CNGA1: variants seen among roughly 807,000 people sequenced by gnomAD.
CNGA1 encodes cyclic nucleotide gated channel subunit alpha 1, also known as cyclic nucleotide-gated channel alpha-1.
Under a neutral mutation model 69.7 loss-of-function variants are expected in CNGA1, and 53 were observed. The observed-to-expected ratio is 0.76, with a 90% confidence interval of 0.61 to 0.96. The LOEUF (loss-of-function observed/expected upper bound fraction) is 0.96. CNGA1 is among the 40% of genes least tolerant of loss of function. CNGA1 has a pLI of 0.00. For missense variants in CNGA1, 739 were observed against 811.2 expected (o/e 0.91, Z 1.08); for synonymous variants, 249 against 283.5 (o/e 0.88, Z 1.22).
At chr4:48,004,600 CT>C (rs938766697) in intron 2 of CNGA1, among the ~76,000 whole-genome samples, 26 of 152,090 alleles carry the variant, frequency 1.7e-4, no homozygotes, top group African/African-American at 4.8e-4. Flanking sequence ...GGAAGGCTCA[CT>C]TTTAGCAGGC....
chr4:47,961,473 T>C (rs1740434651), intron 3 of CNGA1, among the ~76,000 whole-genome samples: 1 of 152,232 alleles, frequency 6.6e-6, no homozygotes, highest in South Asian at 2.1e-4. Flanking sequence ...CCAAGTGCCA[T>C]GGCTCATGCC....
chr4:47,985,140 T>C (rs901455055), intron 2 of CNGA1, among the ~76,000 whole-genome samples: 2 of 152,226 alleles, frequency 1.3e-5, no homozygotes, highest in African/African-American at 4.8e-5. Flanking sequence ...ATTGTGAGGA[T>C]TAAATGAGAC....
chr4:47,987,119 A>G lies in CNGA1; in HGVS notation c.-122-5619T>C, dbSNP rs551367925. 2.0e-4 allele frequency among the ~76,000 whole-genome samples: 30 copies of G among 152,166 alleles called. No individual in the cohort carries two copies. In the South Asian group the frequency reaches 5.6e-3, roughly 28 times the overall value. ...ACCTTGACTGATAGAACATAGCTGC[A>G]TTGGATTATCTATTTAGTAGGCTAC... is the stretch of plus-strand genomic sequence containing the variant. On this transcript the variant is annotated intron_variant, in intron 2 of 10. Coordinates refer to ENST00000514170, the MANE Select transcript of CNGA1 (RefSeq NM_001379270.1).
chr4:47,949,943 A>G, intron 5 of CNGA1, 48 bp from the exon 6 acceptor site: 1 of 1,550,896 alleles, frequency 6.4e-7, no homozygotes, highest in African/African-American at 1.4e-5. Context: ...CACCATCTGT[A>G]TAATGTCCAT....
chr4:47,955,112 A>G lies in CNGA1; in HGVS notation c.-14-2409T>C, dbSNP rs535214208. ...TTTGTGTACATGCCTCAGTGACTCA[A>G]TTAGGATATGAATTCTTGGAATCCA... On this transcript the variant is annotated intron_variant, in intron 3 of 10. Transcript: ENST00000514170. Among the ~76,000 whole-genome samples the G allele has an allele frequency of 1.7e-4, 25 of 151,288 alleles. No individual in the cohort carries two copies. The South Asian group carries it at 2.5e-3, about 15-fold the overall frequency.
In CNGA1 at chr4:47,937,199, T is replaced by C. The variant is rs1738714327; in HGVS notation, c.1283A>G (p.Lys428Arg). 6.2e-7 allele frequency: 1 copy of C among 1,614,098 alleles called. No individual in the cohort carries two copies. Among genetic ancestry groups the C allele is most frequent in the Non-Finnish European group, 8.5e-7 (1 of 1,180,040 alleles). ...HFRNVSKDME[K>R]RVIKWFDYLW... The stretch of plus-strand genomic sequence containing the variant: ...GTAGTCAAACCATTTAATAACCCTC[T>C]TTTCCATATCTTTGCTTACATTTCG... Residue 428 changes from lysine to arginine, a missense_variant, in exon 11 of 11, where the codon AAG becomes AGG. Physicochemically the swap from Lys to Arg is conservative, Grantham distance 26. Coordinates refer to ENST00000514170, the MANE Select transcript of CNGA1 (RefSeq NM_001379270.1).
intron 9 of CNGA1, 71 bp downstream of exon 9, chr4:47,941,970 T>A: frequency 2.2e-6 from 2 of 928,828 alleles, no homozygotes; most frequent in Non-Finnish European, 3.4e-6. Flanking sequence ...AGTCAAATTG[T>A]TTAGTCAGTG....
At chr4:47,970,391 C>T (rs948042725) in intron 3 of CNGA1, among the ~76,000 whole-genome samples, 9 of 152,180 alleles carry the variant, frequency 5.9e-5, no homozygotes, top group Non-Finnish European at 1.0e-4. Flanking sequence ...CTGCTCACAC[C>T]TGTAATCCCA....
chr4:47,976,149 GTATA>G (rs58349297), intron 3 of CNGA1, among the ~76,000 whole-genome samples: 636 of 24,400 alleles, frequency 0.026, 31 homozygotes, highest in African/African-American at 0.079. Context: ...ACTTTCATAT[GTATA>G]TATATATATA....
rs143299983 is a variant in CNGA1 at position 47,949,176 on chromosome 4, C to A, written c.287+657G>T. ...CCCCACTTGCCAAGAGTGTTGGTTG[C>A]TGTCAGCTCAGTTTTTCCTCTCCCT... On this transcript the variant is annotated intron_variant, in intron 6 of 10. Transcript: ENST00000514170. 1.8e-4 allele frequency among the ~76,000 whole-genome samples: 27 copies of A among 152,264 alleles called. No homozygotes were observed. The East Asian group carries it at 5.2e-3, about 29-fold the overall frequency.
chr4:48,013,931 C>T (rs1015580258), intron 1 of CNGA1, among the ~76,000 whole-genome samples: 4 of 152,170 alleles, frequency 2.6e-5, no homozygotes, highest in African/African-American at 9.7e-5. Flanking sequence ...TTAACCTTGA[C>T]ACACCAGGAA....
chr4:47,973,134 C>G (rs895707690), intron 3 of CNGA1, among the ~76,000 whole-genome samples: 5 of 138,300 alleles, frequency 3.6e-5, no homozygotes, highest in African/African-American at 1.4e-4. Context: ...GTAGCACTAT[C>G]TCAGCTCACT....
At chr4:48,007,704 G>A (rs945984255) in intron 2 of CNGA1, among the ~76,000 whole-genome samples, 6 of 151,884 alleles carry the variant, frequency 4.0e-5, no homozygotes, top group African/African-American at 1.5e-4. Context: ...TTTTTCCTAA[G>A]CAAATCAAAA....
chr4:48,016,257 G>C (rs1040283203), intron 1 of CNGA1, among the ~76,000 whole-genome samples: 13 of 152,160 alleles, frequency 8.5e-5, no homozygotes, highest in African/African-American at 3.1e-4. Context: ...GACAGAAGCT[G>C]ATAACAGCAC....
At chr4:47,976,839 G>A (rs549000739) in intron 3 of CNGA1, among the ~76,000 whole-genome samples, 2 of 152,298 alleles carry the variant, frequency 1.3e-5, no homozygotes, top group African/African-American at 4.8e-5. Flanking sequence ...TGTTGATTAA[G>A]ACAGGCTTCC....
At chr4:47,967,527 A>C (rs1194453766) in intron 3 of CNGA1, among the ~76,000 whole-genome samples, 1 of 152,200 alleles carries the variant, frequency 6.6e-6, no homozygotes, top group Non-Finnish European at 1.5e-5. Flanking sequence ...ATGACATAAT[A>C]GTGTATGTAG....
At chr4:47,988,202 A>C (rs1447048575) in intron 2 of CNGA1, among the ~76,000 whole-genome samples, 2 of 152,142 alleles carry the variant, frequency 1.3e-5, no homozygotes, top group Non-Finnish European at 2.9e-5. Flanking sequence ...TTCTTACTTA[A>C]AGCTACTAAA....
At chr4:47,968,411 C>T (rs1350426181) in intron 3 of CNGA1, among the ~76,000 whole-genome samples, 3 of 151,968 alleles carry the variant, frequency 2.0e-5, no homozygotes, top group African/African-American at 7.3e-5. Flanking sequence ...CACAGTCTTT[C>T]AATCAGGTGT....
intron 1 of CNGA1, among the ~76,000 whole-genome samples, chr4:48,013,712 T>C (rs1715262835): frequency 6.6e-6 from 1 of 152,186 alleles, no homozygotes; most frequent in Admixed American, 6.5e-5. Flanking sequence ...GGCTCCACTA[T>C]TGATTTTCTT....
Sources: allele counts gnomAD v4.1 joint callset (sites outside exome capture counted in the v4.1 genomes callset), GRCh38; gene constraint gnomAD v4.1.1; transcripts MANE v1.5; gene names NCBI Gene and HGNC (gene_info 2026-07-23, HGNC 2026-07-21).